The following CDH13 variants were observed in gnomAD, a reference collection of about 807,000 sequenced individuals.
CDH13 encodes the protein cadherin 13.
In CDH13, 24 loss-of-function variants were observed where a neutral mutation model predicts 63.8. That is an observed-to-expected ratio of 0.38 (90% CI 0.27 to 0.53). The LOEUF is 0.53. Ranked by LOEUF, CDH13 falls within the 20% of genes least tolerant of loss-of-function variation. The pLI is 0.85. For missense variants in CDH13, 1,049 were observed against 903.1 expected (o/e 1.16, Z -2.07); for synonymous variants, 503 against 355.3 (o/e 1.42, Z -4.67).
Position 83,401,693 on chromosome 16 carries a change from G to T in CDH13, c.781+56687G>T, listed in dbSNP as rs149137232. On this transcript the variant is annotated intron_variant, in intron 6 of 13. Coordinates refer to ENST00000567109, the MANE Select transcript of CDH13 (RefSeq NM_001257.5). ...GAGAAAAAAAATAGAGGCACCAAGAGGATCTTACCCAAGGATGCGTGACTG... is the reference window on the plus strand; with the variant it reads ...GAGAAAAAAAATAGAGGCACCAAGATGATCTTACCCAAGGATGCGTGACTG... Among the ~76,000 whole-genome samples, 1,301 of 152,148 alleles carry T rather than the reference G, an allele frequency of 8.6e-3. 13 individuals carry two copies. Among genetic ancestry groups the T allele is most frequent in the African/African-American group, 0.027 (1,102 of 41,486 alleles).
intron 8 of CDH13, among the ~76,000 whole-genome samples, chr16:83,649,260 T>A (rs1567480726): frequency 6.6e-6 from 1 of 152,242 alleles, no homozygotes; most frequent in Non-Finnish European, 1.5e-5. Context: ...TGGAACAGTA[T>A]GTTTTCTACT....
intron 5 of CDH13, among the ~76,000 whole-genome samples, chr16:83,342,603 T>A (rs2090749983): frequency 6.6e-6 from 1 of 152,188 alleles, no homozygotes; most frequent in South Asian, 2.1e-4. Flanking sequence ...CAGCTCCACA[T>A]TCTGTATTCA....
intron 1 of CDH13, among the ~76,000 whole-genome samples, chr16:82,857,218 C>T (rs185606282): frequency 3.3e-5 from 5 of 152,310 alleles, no homozygotes; most frequent in South Asian, 2.1e-4. Context: ...TCTAGAATTT[C>T]GAGTTCGTCT....
At chr16:83,268,929 A>AAACTGCACGGTC (rs11271229) in intron 5 of CDH13, among the ~76,000 whole-genome samples, 1 of 151,810 alleles carries the variant, frequency 6.6e-6, no homozygotes, top group Non-Finnish European at 1.5e-5. Flanking sequence ...GCCACAAGCC[A>AAACTGCACGGTC]AAGACCAGAG....
chr16:83,356,240 G>A (rs898790508), intron 6 of CDH13, among the ~76,000 whole-genome samples: 3 of 151,008 alleles, frequency 2.0e-5, no homozygotes, highest in Non-Finnish European at 4.4e-5. Context: ...GTGTGTGTGT[G>A]TGTGTGTGTG....
rs1424168 is a variant in CDH13, at chr16:83,344,491, A to T, written c.637-371A>T. Among the ~76,000 whole-genome samples the T allele has an allele frequency of 3.3e-5, 5 of 152,328 alleles. 1 individual carries two copies. Among genetic ancestry groups the T allele is most frequent in the Admixed American group, 2.6e-4 (4 of 15,306 alleles). On this transcript the variant is annotated intron_variant, in intron 5 of 13. Transcript: ENST00000567109. ...TACTTGGTTCATAACTGCTTAGTCAATTATTTTTATTAGCATAACATTCCT... is the reference window on the plus strand; with the variant it reads ...TACTTGGTTCATAACTGCTTAGTCATTTATTTTTATTAGCATAACATTCCT...
chr16:83,623,638 G>A (rs1284351580), intron 8 of CDH13, among the ~76,000 whole-genome samples: 3 of 152,168 alleles, frequency 2.0e-5, no homozygotes, highest in African/African-American at 7.2e-5. Context: ...TCAATTCAGG[G>A]CTGTAAATCC....
intron 6 of CDH13, among the ~76,000 whole-genome samples, chr16:83,481,411 C>T (rs1166758675): frequency 6.6e-6 from 1 of 152,206 alleles, no homozygotes; most frequent in Non-Finnish European, 1.5e-5. Context: ...CAGCTGAAAA[C>T]CCCCCGTCAC....
chr16:83,371,161 C>G (rs1019507191), intron 6 of CDH13, among the ~76,000 whole-genome samples: 2 of 152,238 alleles, frequency 1.3e-5, no homozygotes, highest in African/African-American at 2.4e-5. Flanking sequence ...ACCATTCAAC[C>G]TAGCAGTCTC....
chr16:83,428,868 T>G (rs2072000468), intron 6 of CDH13, among the ~76,000 whole-genome samples: 1 of 152,254 alleles, frequency 6.6e-6, no homozygotes, highest in South Asian at 2.1e-4. Flanking sequence ...ATTCAGGCAC[T>G]ATTCTTGGTT....
intron 2 of CDH13, among the ~76,000 whole-genome samples, chr16:82,901,128 G>C (rs1406901867): frequency 2.7e-5 from 4 of 150,566 alleles, no homozygotes; most frequent in Admixed American, 6.6e-5. Context: ...ATGATCTCCT[G>C]GAATCTGTTT....
Position 83,098,436 on chromosome 16 carries a change from C to G in CDH13, c.367-26949C>G, listed in dbSNP as rs528433866. 1.2e-3 allele frequency among the ~76,000 whole-genome samples: 183 copies of G among 152,288 alleles called. 1 individual carries two copies. Among genetic ancestry groups the G allele is most frequent in the South Asian group, 9.9e-3 (48 of 4,826 alleles). On this transcript the variant is annotated intron_variant, in intron 3 of 13. Transcript: ENST00000567109. ...GGCATATTTTTCCACATATACACCACTTTCTGTGCTCTTCATTCCTTTGTG... is the reference window on the plus strand; with the variant it reads ...GGCATATTTTTCCACATATACACCAGTTTCTGTGCTCTTCATTCCTTTGTG...
chr16:82,918,412 G>C (rs922572470), intron 2 of CDH13, among the ~76,000 whole-genome samples: 2 of 152,056 alleles, frequency 1.3e-5, no homozygotes, highest in African/African-American at 4.8e-5. Context: ...CAGATGGGCA[G>C]GGCCAGCATG....
At chr16:82,985,142 A>G (rs1424284834) in intron 2 of CDH13, among the ~76,000 whole-genome samples, 1 of 151,100 alleles carries the variant, frequency 6.6e-6, no homozygotes, top group Non-Finnish European at 1.5e-5. Context: ...GTTGAAAAGG[A>G]ATCCTTACAG....
At chr16:83,587,467 C>T (rs1313940370) in intron 7 of CDH13, among the ~76,000 whole-genome samples, 1 of 152,104 alleles carries the variant, frequency 6.6e-6, no homozygotes, top group Non-Finnish European at 1.5e-5. Context: ...ATTTTCTGGA[C>T]GTTTTGACCA....
Position 83,727,333 on chromosome 16 carries a change from T to G in CDH13, c.1539-20775T>G, listed in dbSNP as rs80137223. On this transcript the variant is annotated intron_variant, in intron 10 of 13. Transcript: ENST00000567109. Reference sequence around the variant, plus strand: ...ACATCTACGTGGGAAGGGACGCTGCTGAGTGTTTAGAGAACAGACACATTC... The same window carrying G: ...ACATCTACGTGGGAAGGGACGCTGCGGAGTGTTTAGAGAACAGACACATTC... 9.3e-3 allele frequency among the ~76,000 whole-genome samples: 1,422 copies of G among 152,292 alleles called. 63 individuals carry two copies. Among genetic ancestry groups the G allele is most frequent in the Admixed American group, 0.068 (1,042 of 15,300 alleles).
chr16:82,843,865 G>A (rs191622500), intron 1 of CDH13, among the ~76,000 whole-genome samples: 114 of 152,298 alleles, frequency 7.5e-4, no homozygotes, highest in African/African-American at 2.6e-3. Context: ...ACCAGGCCTG[G>A]CTCTGTGACT....
intron 1 of CDH13, among the ~76,000 whole-genome samples, chr16:82,698,289 A>T (rs2030573304): frequency 6.6e-6 from 1 of 152,224 alleles, no homozygotes; most frequent in Non-Finnish European, 1.5e-5. Flanking sequence ...AACAAAGGTG[A>T]AAGCTGGTTG....
chr16:83,150,910 T>G (rs1161076610), intron 4 of CDH13, among the ~76,000 whole-genome samples: 1 of 152,198 alleles, frequency 6.6e-6, no homozygotes, highest in African/African-American at 2.4e-5. Context: ...TAGATGTGTA[T>G]AGCAATCTTT....
Sources: gnomAD v4.1 joint callset for allele counts (sites outside exome capture counted in the v4.1 genomes callset) on GRCh38, gnomAD v4.1.1 for gene constraint, MANE v1.5 for transcripts, NCBI Gene and HGNC (gene_info 2026-07-23, HGNC 2026-07-21) for gene names.